ATP9B: variants seen among roughly 807,000 people sequenced by gnomAD.
ATP9B encodes probable phospholipid-transporting ATPase IIB.
ATP9B carries 110 observed loss-of-function variants against 146.1 expected under a neutral mutation model. That is an observed-to-expected ratio of 0.75 (90% confidence interval 0.65 to 0.88). The LOEUF (loss-of-function observed/expected upper bound fraction) is 0.88, where lower values mean the gene tolerates loss of function less well. Among genes scored for constraint, ATP9B ranks in the 40% least tolerant of loss-of-function variants. The pLI is 0.00. For synonymous variants in ATP9B, 604 were observed against 569.7 expected (o/e 1.06, Z -0.86); for missense variants, 1,499 against 1,496.4 (o/e 1.00, Z -0.03).
chr18:79,323,218 G>A (rs990691536), intron 15 of ATP9B, among the ~76,000 whole-genome samples: 2 of 151,836 alleles, frequency 1.3e-5, no homozygotes, highest in Admixed American at 6.6e-5. Context: ...TCGTTGCTTC[G>A]CGTTAGTAAT....
In ATP9B at chr18:79,113,342, C is replaced by T; in HGVS notation, c.546C>T (p.Tyr182=). The change falls in exon 4 of 30, where the codon TAC becomes TAT. Residue 182 remains tyrosine, a synonymous_variant. Coordinates refer to ENST00000426216, the MANE Select transcript of ATP9B (RefSeq NM_198531.5). ...PALKIGYLYT[Y]WAPLGFVLAV... ...TGAAAATAGGCTATCTCTACACCTA[C>T]TGGGCTCCTCTGGTAAGAAAAGACT... 1.3e-6 allele frequency: 2 copies of T among 1,532,094 alleles called. No individual in the cohort carries two copies. Among genetic ancestry groups the T allele is most frequent in the Middle Eastern group, 1.7e-4 (1 of 5,852 alleles). 94.9% of individuals were successfully genotyped at this position (1,532,094 alleles called of 1,614,324 possible).
intron 3 of ATP9B, 62 bp downstream of exon 3, chr18:79,110,567 T>C (rs777750571): frequency 3.2e-5 from 48 of 1,510,056 alleles, no homozygotes; most frequent in Non-Finnish European, 3.8e-5. Context: ...TCCTTTGCTA[T>C]AGGATGGAGC....
chr18:79,214,790 T>C (rs1353587719), intron 11 of ATP9B, among the ~76,000 whole-genome samples: 1 of 152,190 alleles, frequency 6.6e-6, no homozygotes, highest in Admixed American at 6.5e-5. Context: ...TAATTAATAG[T>C]GAAGGTTATC....
chr18:79,123,066 G>A (rs2094216746), intron 4 of ATP9B, among the ~76,000 whole-genome samples: 6 of 152,050 alleles, frequency 3.9e-5, no homozygotes, highest in Admixed American at 3.9e-4. Flanking sequence ...GTTCAACATT[G>A]TATAGGGCAG....
intron 5 of ATP9B, among the ~76,000 whole-genome samples, chr18:79,130,556 A>C (rs920930394): frequency 4.6e-5 from 7 of 152,162 alleles, no homozygotes; most frequent in Non-Finnish European, 2.9e-5. Context: ...TAATGGCCAA[A>C]AACTTTCTAA....
chr18:79,351,798 C>A (rs183287967), intron 25 of ATP9B, among the ~76,000 whole-genome samples: 2 of 149,496 alleles, frequency 1.3e-5, no homozygotes, highest in Non-Finnish European at 3.0e-5. Flanking sequence ...CCATGGGGGC[C>A]GCAAAGGTGG....
intron 4 of ATP9B, among the ~76,000 whole-genome samples, chr18:79,114,169 A>G (rs551608216): frequency 9.9e-5 from 15 of 152,272 alleles, no homozygotes; most frequent in Admixed American, 9.8e-4. Flanking sequence ...CATGTTGGCT[A>G]GGCTGGTCTC....
intron 11 of ATP9B, among the ~76,000 whole-genome samples, chr18:79,221,923 T>C (rs1429306477): frequency 8.1e-6 from 1 of 123,018 alleles, no homozygotes; most frequent in Non-Finnish European, 1.7e-5. Context: ...CTTTTTTAGC[T>C]GCTTTAAAAA....
chr18:79,288,643 T>A (rs1599643585), intron 13 of ATP9B, among the ~76,000 whole-genome samples: 2 of 152,320 alleles, frequency 1.3e-5, no homozygotes, highest in African/African-American at 4.8e-5. Context: ...ATGTGTGAAT[T>A]TGATCCTGTT....
At chr18:79,276,186 G>T (rs567693859) in intron 12 of ATP9B, among the ~76,000 whole-genome samples, 1 of 152,198 alleles carries the variant, frequency 6.6e-6, no homozygotes, top group Non-Finnish European at 1.5e-5. Flanking sequence ...AGCAGAGCCT[G>T]CCTCCTAAAG....
intron 7 of ATP9B, among the ~76,000 whole-genome samples, chr18:79,155,036 G>C (rs1385254929): frequency 2.6e-5 from 4 of 152,174 alleles, no homozygotes; most frequent in Non-Finnish European, 5.9e-5. Context: ...ATTAAATGAT[G>C]ATGTTACTTA....
intron 11 of ATP9B, among the ~76,000 whole-genome samples, chr18:79,220,770 A>T (rs1294696824): frequency 6.6e-6 from 1 of 152,224 alleles, no homozygotes; most frequent in Non-Finnish European, 1.5e-5. Context: ...ATTCAATTTA[A>T]TAAATACCAC....
intron 5 of ATP9B, among the ~76,000 whole-genome samples, chr18:79,133,098 G>A (rs1172631264): frequency 3.3e-5 from 5 of 151,992 alleles, no homozygotes; most frequent in Non-Finnish European, 7.4e-5. Context: ...CACCATGTTG[G>A]CCAGGTTGGT....
intron 2 of ATP9B, among the ~76,000 whole-genome samples, chr18:79,108,008 A>G (rs144616004): frequency 1.9e-4 from 29 of 152,344 alleles, no homozygotes; most frequent in Non-Finnish European, 3.8e-4. Context: ...CTTAGGTAAC[A>G]TAACTAGGAT....
intron 25 of ATP9B, among the ~76,000 whole-genome samples, chr18:79,351,738 G>A (rs2096923265): frequency 1.3e-5 from 2 of 152,042 alleles, no homozygotes; most frequent in South Asian, 2.1e-4. Flanking sequence ...GAGCAGGAAG[G>A]ACTAGGCATA....
chr18:79,156,770 C>G (rs931683232), intron 7 of ATP9B, among the ~76,000 whole-genome samples: 5 of 152,154 alleles, frequency 3.3e-5, no homozygotes, highest in African/African-American at 7.2e-5. Context: ...TCAAGTAATT[C>G]TGCTCTTCTT....
intron 1 of ATP9B, chr18:79,095,818 G>A (rs2074733999): frequency 6.6e-6 from 1 of 152,166 alleles, no homozygotes; most frequent in African/African-American, 2.4e-5. Context: ...AGGATAAAAG[G>A]AACAGTTTTG....
chr18:79,137,678 C>T (rs1302094139), intron 5 of ATP9B, among the ~76,000 whole-genome samples: 1 of 152,218 alleles, frequency 6.6e-6, no homozygotes, highest in Non-Finnish European at 1.5e-5. Flanking sequence ...AGGAACTCTG[C>T]CCTGGCCCTT....
chr18:79,301,048 A>G (rs533035127), intron 13 of ATP9B, among the ~76,000 whole-genome samples: 26 of 152,340 alleles, frequency 1.7e-4, no homozygotes, highest in African/African-American at 6.0e-4. Flanking sequence ...CACATTTGTT[A>G]AATAATTTTT....
Sources: allele counts gnomAD v4.1 joint callset (sites outside exome capture counted in the v4.1 genomes callset), GRCh38; gene constraint gnomAD v4.1.1; transcripts MANE v1.5; gene names NCBI Gene and HGNC (gene_info 2026-07-23, HGNC 2026-07-21).